The following CAST variants were observed in gnomAD, a reference collection of about 807,000 sequenced individuals.
CAST encodes MIR583 host.
CAST carries 76 observed loss-of-function variants against 119.6 expected under a neutral mutation model. That is an observed-to-expected ratio of 0.64 (90% CI 0.53 to 0.77). The LOEUF (loss-of-function observed/expected upper bound fraction) is 0.77. CAST is among the 30% of genes least tolerant of loss of function. The pLI is 0.00. For missense variants in CAST, 953 were observed against 946.5 expected (o/e 1.01, Z -0.09); for synonymous variants, 319 against 331.6 (o/e 0.96, Z 0.41).
the CAST span, among the ~76,000 whole-genome samples, chr5:96,095,542 C>G: frequency 2.0e-5 from 2 of 100,998 alleles, no homozygotes; most frequent in African/African-American, 7.9e-5. Context: ...GCCTGGGCAA[C>G]AGAGACTCTG....
the CAST span, among the ~76,000 whole-genome samples, chr5:96,398,712 C>A: frequency 6.6e-6 from 1 of 151,878 alleles, no homozygotes; most frequent in Non-Finnish European, 1.5e-5. Flanking sequence ...ATGGGCAGGG[C>A]AGAGGGAGAT....
the CAST span, among the ~76,000 whole-genome samples, chr5:96,173,175 A>T: frequency 6.6e-6 from 1 of 152,138 alleles, no homozygotes; most frequent in Non-Finnish European, 1.5e-5. Flanking sequence ...CAAACATGGG[A>T]AAGATGTTCA....
At chr5:96,275,119 C>T in the CAST span, among the ~76,000 whole-genome samples, 2 of 152,200 alleles carry the variant, frequency 1.3e-5, no homozygotes, top group Non-Finnish European at 2.9e-5. Flanking sequence ...AAGAAACCAG[C>T]CTTTAAAGTT....
At chr5:96,596,863 T>G (rs1269823506) in intron 1 of CAST, among the ~76,000 whole-genome samples, 2 of 152,212 alleles carry the variant, frequency 1.3e-5, no homozygotes, top group African/African-American at 4.8e-5. Flanking sequence ...TGACTTGTGT[T>G]TGGTGATTTT....
At chr5:96,364,391 A>G in the CAST span, among the ~76,000 whole-genome samples, 1 of 152,218 alleles carries the variant, frequency 6.6e-6, no homozygotes, top group Non-Finnish European at 1.5e-5. Flanking sequence ...TGATTGGAAT[A>G]GTTTCAGAAG....
At chr5:96,599,973 A>AAAAAAAAAAACAAAAC (rs1554070017) in intron 1 of CAST, among the ~76,000 whole-genome samples, 1,070 of 90,132 alleles carry the variant, frequency 0.012, 32 homozygotes, top group African/African-American at 0.03. Context: ...AGGCAAAAAA[A>AAAAAAAAAAACAAAAC]AAAAAAAAAA....
At chr5:96,190,604 C>T in the CAST span, among the ~76,000 whole-genome samples, 119 of 152,266 alleles carry the variant, frequency 7.8e-4, no homozygotes, top group African/African-American at 2.9e-3. Context: ...CTGTTAAGGC[C>T]TCATTCCCCT....
the CAST span, among the ~76,000 whole-genome samples, chr5:96,376,928 T>C: frequency 2.0e-5 from 3 of 152,162 alleles, no homozygotes; most frequent in Admixed American, 2.0e-4. Context: ...GATGTGGAAG[T>C]GGAAGACAGT....
the CAST span, among the ~76,000 whole-genome samples, chr5:96,516,073 A>T: frequency 1.3e-5 from 2 of 151,354 alleles, 1 homozygote; most frequent in Non-Finnish European, 2.9e-5. Context: ...CATACCCAAG[A>T]ATATCAATAA....
At chr5:96,312,568 C>T in the CAST span, among the ~76,000 whole-genome samples, 1 of 151,626 alleles carries the variant, frequency 6.6e-6, no homozygotes, top group Non-Finnish European at 1.5e-5. Context: ...GGCTGACTGC[C>T]CTGGTGAATT....
chr5:96,541,937 G>A (rs1185270492), intron 1 of CAST, among the ~76,000 whole-genome samples: 2 of 152,158 alleles, frequency 1.3e-5, no homozygotes, highest in Admixed American at 6.5e-5. Context: ...ATTCATGTGC[G>A]TGTTTTTGTG....
intron 3 of CAST, among the ~76,000 whole-genome samples, chr5:96,702,373 A>C (rs951974719): frequency 3.9e-5 from 6 of 152,224 alleles, no homozygotes; most frequent in Admixed American, 3.3e-4. Flanking sequence ...ATATACTATA[A>C]TATAAAGTAA....
intron 1 of CAST, among the ~76,000 whole-genome samples, chr5:96,573,579 G>A (rs2150187646): frequency 6.6e-6 from 1 of 152,218 alleles, no homozygotes; most frequent in East Asian, 1.9e-4. Flanking sequence ...GATCAAGGCT[G>A]CAGTGAGCTA....
At chr5:96,739,743 G>A (rs1353145840) in intron 11 of CAST, among the ~76,000 whole-genome samples, 2 of 152,158 alleles carry the variant, frequency 1.3e-5, no homozygotes, top group South Asian at 2.1e-4. Flanking sequence ...CTGCTCTTTT[G>A]TATTGGTTAG....
At chr5:96,544,559 G>A (rs1176743861) in intron 1 of CAST, among the ~76,000 whole-genome samples, 1 of 151,560 alleles carries the variant, frequency 6.6e-6, no homozygotes. Context: ...TGTAAAACTG[G>A]GATTAGATTA....
chr5:96,030,378 T>C, the CAST span, among the ~76,000 whole-genome samples: 2 of 152,190 alleles, frequency 1.3e-5, no homozygotes, highest in South Asian at 2.1e-4. Flanking sequence ...CTACAAATGA[T>C]AGGGGTAGAC....
chr5:96,006,398 T>C, the CAST span, among the ~76,000 whole-genome samples: 2 of 151,202 alleles, frequency 1.3e-5, no homozygotes, highest in East Asian at 3.9e-4. Context: ...AAAATCATAA[T>C]GTTTTAAGAG....
the CAST span, among the ~76,000 whole-genome samples, chr5:96,337,037 T>A: frequency 3.9e-5 from 6 of 152,176 alleles, no homozygotes; most frequent in Admixed American, 2.6e-4. Context: ...CAATGTTAGA[T>A]GAAACATATT....
At chr5:96,130,568 TAGG>T in the CAST span, among the ~76,000 whole-genome samples, 1 of 151,990 alleles carries the variant, frequency 6.6e-6, no homozygotes. Flanking sequence ...ATGTTAAAAA[TAGG>T]AGAAACTGTA....
Sources: allele counts gnomAD v4.1 joint callset (sites outside exome capture counted in the v4.1 genomes callset), GRCh38; gene constraint gnomAD v4.1.1; transcripts MANE v1.5; gene names NCBI Gene and HGNC (gene_info 2026-07-23, HGNC 2026-07-21).